Variants in LDB2 observed in about 807,000 individuals in gnomAD.
LDB2 encodes the protein LIM domain binding 2.
Under a neutral mutation model 44.3 loss-of-function variants are expected in LDB2, and 12 were observed. That is an observed-to-expected ratio of 0.27 (90% confidence interval 0.17 to 0.44). LDB2 has a LOEUF of 0.44. LDB2 is among the 20% of genes least tolerant of loss of function. The pLI is 1.00. For synonymous variants in LDB2, 164 were observed against 174.8 expected, an observed-to-expected ratio of 0.94 and a Z score of 0.49; for missense variants, 344 against 473.5, an observed-to-expected ratio of 0.73 and a Z score of 2.54.
At chr4:16,696,396 G>A (rs984998519) in intron 2 of LDB2, among the ~76,000 whole-genome samples, 7 of 152,076 alleles carry the variant, frequency 4.6e-5, no homozygotes, top group Non-Finnish European at 7.4e-5. Flanking sequence ...TAGCCAAAAT[G>A]AAGAAAAAAT....
At chr4:16,821,746 C>CAAAAAAACAAAAA (rs1782083866) in intron 1 of LDB2, among the ~76,000 whole-genome samples, 1 of 61,750 alleles carries the variant, frequency 1.6e-5, no homozygotes, top group Non-Finnish European at 2.9e-5. Flanking sequence ...AACATTAAAG[C>CAAAAAAACAAAAA]AAAAAAAAAA....
intron 2 of LDB2, among the ~76,000 whole-genome samples, chr4:16,696,359 T>C (rs1752125636): frequency 6.6e-6 from 1 of 152,176 alleles, no homozygotes; most frequent in Non-Finnish European, 1.5e-5. Context: ...AGACAATTTT[T>C]CAGTAATGCA....
At chr4:16,775,356 G>C (rs1345727004) in intron 1 of LDB2, among the ~76,000 whole-genome samples, 1 of 152,130 alleles carries the variant, frequency 6.6e-6, no homozygotes, top group Admixed American at 6.5e-5. Context: ...ACACCTTGCT[G>C]CCAGAGGACC....
At position 16,881,907 on chromosome 4, in the gene LDB2, T is replaced by C. The variant is rs928114058; in HGVS notation, c.132+16447A>G. Among the ~76,000 whole-genome samples the C allele has an allele frequency of 2.0e-5, 3 of 152,208 alleles. 1 individual carries two copies. In the South Asian group the frequency reaches 6.2e-4, roughly 31 times the overall value. ...TCCCTGTTTTGAGATGTTTACGCAG[T>C]CTAATTCCTCCTAAAATCATCAGAG... On this transcript the variant is annotated intron_variant, in intron 1 of 7. Transcript: ENST00000304523.
At chr4:16,889,189 T>G (rs1722618114) in intron 1 of LDB2, 1 of 152,132 alleles carries the variant, frequency 6.6e-6, no homozygotes. Context: ...CCATATTTTC[T>G]GTTGTGCAAA....
chr4:16,546,504 ATC>A (rs1735796731), intron 5 of LDB2, among the ~76,000 whole-genome samples: 2 of 152,342 alleles, frequency 1.3e-5, no homozygotes, highest in East Asian at 3.9e-4. Context: ...GCATCAGAGA[ATC>A]TGGAAACATA....
At chr4:16,793,140 A>G (rs1041046048) in intron 1 of LDB2, among the ~76,000 whole-genome samples, 18 of 152,360 alleles carry the variant, frequency 1.2e-4, no homozygotes, top group African/African-American at 4.1e-4. Flanking sequence ...TAAGTGTGCT[A>G]AATAGAATCT....
intron 1 of LDB2, among the ~76,000 whole-genome samples, chr4:16,873,083 T>C (rs1197616858): frequency 2.0e-5 from 3 of 152,070 alleles, no homozygotes; most frequent in African/African-American, 7.2e-5. Flanking sequence ...GAGAATGGTG[T>C]ATCGGGCATT....
intron 1 of LDB2, among the ~76,000 whole-genome samples, chr4:16,878,458 T>C (rs999879303): frequency 3.9e-5 from 6 of 152,238 alleles, no homozygotes; most frequent in Non-Finnish European, 4.4e-5. Flanking sequence ...CAGAAAACTA[T>C]ACAATCCTTC....
intron 1 of LDB2, among the ~76,000 whole-genome samples, chr4:16,764,605 A>G (rs1413834675): frequency 6.6e-6 from 1 of 152,118 alleles, no homozygotes; most frequent in Non-Finnish European, 1.5e-5. Context: ...CCTGCAACAC[A>G]GACTCTAGCT....
chr4:16,585,120 A>G (rs1158151381), intron 5 of LDB2, among the ~76,000 whole-genome samples: 2 of 152,160 alleles, frequency 1.3e-5, no homozygotes, highest in Non-Finnish European at 2.9e-5. Flanking sequence ...ATCACGCCCC[A>G]GGCCACCCAC....
rs201233928 is a variant in LDB2, at chr4:16,685,401, TTTTTG to T, written c.235+73752_235+73756del. Among the ~76,000 whole-genome samples, 720 of 152,280 alleles carry T rather than the reference TTTTTG, an allele frequency of 4.7e-3. 5 individuals carry two copies. The highest frequency in any genetic ancestry group is 0.031 in the East Asian group (163 of 5,180). ...TTTTTGTTTTGTTTTGTTTTTTGTTTTTTTGTTTTGTTTTGTTTTGTTTTTGCTGG... is the reference window on the plus strand; with the variant it reads ...TTTTTGTTTTGTTTTGTTTTTTGTTTTTTTGTTTTGTTTTGTTTTTGCTGG... On this transcript the variant is annotated intron_variant, in intron 2 of 7. Transcript: ENST00000304523.
intron 2 of LDB2, among the ~76,000 whole-genome samples, chr4:16,710,990 G>A (rs1185506004): frequency 1.3e-5 from 2 of 152,162 alleles, no homozygotes; most frequent in Non-Finnish European, 2.9e-5. Flanking sequence ...CAAATCTAAG[G>A]TATTCTTAGC....
In LDB2 at chr4:16,739,686, ATG is replaced by A. The variant is rs1491164332; in HGVS notation, c.235+19470_235+19471del. 4.3e-5 allele frequency among the ~76,000 whole-genome samples: 4 copies of A among 93,280 alleles called. 1 individual carries two copies. Among genetic ancestry groups the A allele is most frequent in the Non-Finnish European group, 6.4e-5 (3 of 46,918 alleles). The allele number at this position is 93,280 out of a possible 152,430, so 61.2% of individuals were successfully genotyped here. A position where few individuals can be genotyped will look rare whatever the true frequency, so the allele number is the denominator to read the frequency against. ...TGTATATATACATATGTGTGTATAT[ATG>A]TATATATACATATATGTGTATATAT... On this transcript the variant is annotated intron_variant, in intron 2 of 7. Coordinates refer to ENST00000304523, the MANE Select transcript of LDB2 (RefSeq NM_001290.5).
At chr4:16,898,225 G>T (rs1485004689) in intron 1 of LDB2, 129 bp downstream of exon 1, 3 of 860,080 alleles carry the variant, frequency 3.5e-6, no homozygotes, top group Admixed American at 2.4e-5. Context: ...TCATCCTGGC[G>T]CTCATTTCCA....
At chr4:16,727,869 A>G (rs991452227) in intron 2 of LDB2, among the ~76,000 whole-genome samples, 3 of 152,174 alleles carry the variant, frequency 2.0e-5, no homozygotes, top group African/African-American at 7.2e-5. Context: ...TAATGTGGGA[A>G]GGAGCATGGG....
chr4:16,640,909 A>G (rs928000541), intron 2 of LDB2, among the ~76,000 whole-genome samples: 1 of 152,202 alleles, frequency 6.6e-6, no homozygotes, highest in Non-Finnish European at 1.5e-5. Context: ...AAATTCAACA[A>G]TTTCAAGACA....
chr4:16,581,316 C>T (rs1714336217), intron 5 of LDB2: 19 of 726,678 alleles, frequency 2.6e-5, no homozygotes, highest in Non-Finnish European at 3.2e-5. Flanking sequence ...AGCAACTTGC[C>T]CAGGGTCACA....
rs872478 is a variant in LDB2 at position 16,502,561 on chromosome 4, G to C, written c.*82C>G. ...GCATGGAAAAGTTTTTATCTCTTCT[G>C]TTTCCTCTCCTGTAAGTAAAGATTT... On this transcript the variant is annotated 3_prime_UTR_variant, in exon 8 of 8. Coordinates refer to ENST00000304523, the MANE Select transcript of LDB2 (RefSeq NM_001290.5). 340,092 of 1,545,522 alleles carry C rather than the reference G, an allele frequency of 0.22. 38,330 individuals carry two copies. Among genetic ancestry groups the C allele is most frequent in the Admixed American group, 0.27 (15,208 of 56,254 alleles).
Sources: gnomAD v4.1 joint callset for allele counts (sites outside exome capture counted in the v4.1 genomes callset) on GRCh38, gnomAD v4.1.1 for gene constraint, MANE v1.5 for transcripts, NCBI Gene and HGNC (gene_info 2026-07-23, HGNC 2026-07-21) for gene names.